FAM83D: variants seen among roughly 807,000 people sequenced by gnomAD.
FAM83D encodes scaffolding CK1 anchoring protein D.
Under a neutral mutation model 25.4 loss-of-function variants are expected in FAM83D, and 26 were observed. The observed-to-expected ratio is 1.02, with a 90% CI of 0.75 to 1.42. FAM83D has a LOEUF of 1.42. FAM83D is among the 40% of genes most tolerant of loss of function. The pLI is 0.00. For synonymous variants in FAM83D, 310 were observed against 318.5 expected (o/e 0.97, Z 0.28); for missense variants, 740 against 758.1 (o/e 0.98, Z 0.28).
At chr20:38,934,514 A>T (rs1249323387) in intron 1 of FAM83D, among the ~76,000 whole-genome samples, 3 of 151,608 alleles carry the variant, frequency 2.0e-5, no homozygotes, top group Non-Finnish European at 4.4e-5. Flanking sequence ...AAAAAAAAAA[A>T]TTCTTGATGC....
chr20:38,941,180 G>A lies in FAM83D; in HGVS notation c.484-779G>A, dbSNP rs79776231. ...TTTGCTGTGGGCTTGCACTATGGACGGATACCAAAGAACTGCAGAGAGAAC... is the reference window on the plus strand; with the variant it reads ...TTTGCTGTGGGCTTGCACTATGGACAGATACCAAAGAACTGCAGAGAGAAC... On this transcript the variant is annotated intron_variant, in intron 1 of 3. Transcript: ENST00000619850. 8.4e-3 allele frequency among the ~76,000 whole-genome samples: 1,280 copies of A among 152,288 alleles called. 13 individuals are homozygous for A. Among genetic ancestry groups the A allele is most frequent in the African/African-American group, 0.029 (1,215 of 41,550 alleles).
In FAM83D at chr20:38,952,582, CT is replaced by C; in HGVS notation, c.*65del. 1 of 1,522,740 alleles carries C rather than the reference CT, an allele frequency of 6.6e-7. No individual in the cohort carries two copies. The highest frequency in any genetic ancestry group is 8.8e-7 in the Non-Finnish European group (1 of 1,131,674). The allele number at this position is 1,522,740 out of a possible 1,614,324, so 94.3% of individuals were successfully genotyped here. On this transcript the variant is annotated 3_prime_UTR_variant, in exon 4 of 4. Coordinates refer to ENST00000619850, the MANE Select transcript of FAM83D (RefSeq NM_030919.3). ...TACAGTGGACATCATCAGCTTCCTG[CT>C]TTAAAAAATATCTTATGTCCCTAAT...
At chr20:38,945,725 G>T in intron 2 of FAM83D, among the ~76,000 whole-genome samples, 2 of 142,424 alleles carry the variant, frequency 1.4e-5, no homozygotes, top group South Asian at 2.2e-4. Context: ...TTAGGGTCTT[G>T]ACCTGCCCCC....
At chr20:38,931,553 G>A (rs1027084459) in intron 1 of FAM83D, among the ~76,000 whole-genome samples, 4 of 152,212 alleles carry the variant, frequency 2.6e-5, no homozygotes, top group African/African-American at 9.7e-5. Flanking sequence ...AGTAGAGCAC[G>A]GTCGAACCTC....
chr20:38,948,929 T>G (rs1021492616), intron 3 of FAM83D, among the ~76,000 whole-genome samples: 4 of 152,196 alleles, frequency 2.6e-5, no homozygotes, highest in African/African-American at 9.6e-5. Context: ...AATTGAACTC[T>G]TTTTCTTGGA....
intron 1 of FAM83D, among the ~76,000 whole-genome samples, chr20:38,935,023 T>G (rs1374599508): frequency 6.6e-6 from 1 of 152,228 alleles, no homozygotes; most frequent in African/African-American, 2.4e-5. Flanking sequence ...ATACACATGT[T>G]TATATAAAAC....
Position 38,947,919 on chromosome 20 carries a change from G to A in FAM83D, c.695G>A (p.Arg232Lys), listed in dbSNP as rs760704870. 6.2e-7 allele frequency: 1 copy of A among 1,614,128 alleles called. No homozygotes were observed. Among genetic ancestry groups the A allele is most frequent in the East Asian group, 2.2e-5 (1 of 44,890 alleles). Residue 232 changes from arginine to lysine, a missense_variant, in exon 3 of 4, where the codon AGG (arginine) becomes AAG (lysine). This residue lies in a region of FAM83D where 32 missense variants were observed against 56.2 expected (regional missense o/e 0.57). Transcript: ENST00000619850. ...RTITGNIYYA[R>K]SGTKIIGKVH... Reference sequence around the variant, plus strand: ...ATCACAGGAAATATCTACTATGCAAGGTCAGGAACTAAGATTATTGGGAAG... The same window carrying A: ...ATCACAGGAAATATCTACTATGCAAAGTCAGGAACTAAGATTATTGGGAAG...
intron 3 of FAM83D, among the ~76,000 whole-genome samples, chr20:38,950,793 A>G (rs2085749987): frequency 6.7e-6 from 1 of 149,866 alleles, no homozygotes. Flanking sequence ...AAATATTTAG[A>G]AGCCCTATTT....
rs372480989 is a variant in FAM83D at position 38,952,429 on chromosome 20, C to A, written c.1667C>A (p.Thr556Asn). The A allele has an allele frequency of 4.3e-6, 7 of 1,614,102 alleles. No individual in the cohort carries two copies. In the African/African-American group the frequency reaches 6.7e-5, roughly 15 times the overall value. Residue 556 changes from threonine (T) to asparagine (N), a missense_variant, in exon 4 of 4, where the codon ACT becomes AAT. Transcript: ENST00000619850. Reference sequence around the variant, plus strand: ...ATGCTGTCAAGGAGAACACTCTTTACTGAAAACCACCTTGGCCTTCATTCT... The same window carrying A: ...ATGCTGTCAAGGAGAACACTCTTTAATGAAAACCACCTTGGCCTTCATTCT... ...LAMLSRRTLF[T>N]ENHLGLHSGN... is the part of the protein sequence containing the mutation.
chr20:38,948,467 T>C (rs868642436), intron 3 of FAM83D, among the ~76,000 whole-genome samples: 1 of 152,256 alleles, frequency 6.6e-6, no homozygotes, highest in Non-Finnish European at 1.5e-5. Flanking sequence ...CTTCAAGCCT[T>C]GTAATTTAGA....
At position 38,952,304 on chromosome 20, in the gene FAM83D, C is replaced by T. The variant is rs200833170; in HGVS notation, c.1542C>T (p.Pro514=). 9.3e-6 allele frequency: 15 copies of T among 1,613,984 alleles called. No homozygotes were observed. Among genetic ancestry groups the T allele is most frequent in the Admixed American group, 5.0e-5 (3 of 60,004 alleles). The change falls in exon 4 of 4, where the codon CCC becomes CCT. Residue 514 remains proline (P), a synonymous_variant. Transcript: ENST00000619850. The part of the protein sequence containing the change: ...NPGYPKYLGT[P]HLELYLSDSL... ...GCTATCCCAAGTACCTGGGCACCCCCCACCTGGAACTGTACTTGAGTGACT... is the reference window on the plus strand; with the variant it reads ...GCTATCCCAAGTACCTGGGCACCCCTCACCTGGAACTGTACTTGAGTGACT...
chr20:38,951,900 G>A lies in FAM83D; in HGVS notation c.1138G>A (p.Glu380Lys), dbSNP rs777074351. The change falls in exon 4 of 4, where the codon GAG becomes AAG. Residue 380 changes from glutamate to lysine, a missense_variant. Transcript: ENST00000619850. ...AGACTACTTCAGCAGCCACAGGGACGAGCTCCAGAGCAGAAAGGCCATTGA... is the reference window on the plus strand; with the variant it reads ...AGACTACTTCAGCAGCCACAGGGACAAGCTCCAGAGCAGAAAGGCCATTGA... ...EEDYFSSHRD[E>K]LQSRKAIDAA... is the part of the protein sequence containing the mutation. 6.8e-6 allele frequency: 11 copies of A among 1,614,038 alleles called. No homozygotes were observed. Among genetic ancestry groups the A allele is most frequent in the South Asian group, 1.1e-5 (1 of 91,088 alleles).
chr20:38,942,993 G>GC (rs1254790758), intron 2 of FAM83D, among the ~76,000 whole-genome samples: 1 of 149,410 alleles, frequency 6.7e-6, no homozygotes, highest in African/African-American at 2.5e-5. Context: ...TATTTTTTGA[G>GC]CCCCCACTCT....
chr20:38,932,025 C>T (rs182500597), intron 1 of FAM83D, among the ~76,000 whole-genome samples: 89 of 152,354 alleles, frequency 5.8e-4, no homozygotes, highest in Non-Finnish European at 1.2e-4. Context: ...CCTTCCTTGA[C>T]TCTTGTTTCT....
intron 1 of FAM83D, among the ~76,000 whole-genome samples, chr20:38,930,484 GTTA>G (rs1410262136): frequency 1.3e-5 from 2 of 151,686 alleles, no homozygotes; most frequent in Non-Finnish European, 2.9e-5. Flanking sequence ...TTTGTTGTTT[GTTA>G]TTATTTTTTT....
Position 38,926,679 on chromosome 20 carries a change from C to CGCG in FAM83D, c.255_257dup (p.Ala86dup), listed in dbSNP as rs534813259. On this transcript the variant is annotated inframe_insertion, in exon 1 of 4. Coordinates refer to ENST00000619850, the MANE Select transcript of FAM83D (RefSeq NM_030919.3). ...CGGCGGAGAGGCCGGGAGAGGAGGG[C>CGCG]GCGGCGGCGGCGGCGGCGGCCGAGG... 121,441 of 1,519,754 alleles carry CGCG rather than the reference C, an allele frequency of 0.08. 4,788 individuals are homozygous for CGCG. Among genetic ancestry groups the CGCG allele is most frequent in the Non-Finnish European group, 0.092 (105,056 of 1,139,456 alleles). 94.1% of individuals were successfully genotyped at this position (1,519,754 alleles called of 1,614,324 possible).
At chr20:38,944,258 C>T (rs2085716418) in intron 2 of FAM83D, among the ~76,000 whole-genome samples, 1 of 152,172 alleles carries the variant, frequency 6.6e-6, no homozygotes. Flanking sequence ...TCAGATTCTC[C>T]CACAGAGTTC....
At chr20:38,941,672 G>C (rs1336768551) in intron 1 of FAM83D, among the ~76,000 whole-genome samples, 6 of 152,184 alleles carry the variant, frequency 3.9e-5, no homozygotes, top group African/African-American at 1.4e-4. Flanking sequence ...AGGTTCATAA[G>C]AGAGCAAGGC....
chr20:38,942,063 G>C lies in FAM83D; in HGVS notation c.588G>C (p.Gln196His). 1 of 1,614,196 alleles carries C rather than the reference G, an allele frequency of 6.2e-7. No individual in the cohort carries two copies. Among genetic ancestry groups the C allele is most frequent in the South Asian group, 1.1e-5 (1 of 91,084 alleles). The change falls in exon 2 of 4, where the codon CAG becomes CAC. Residue 196 changes from glutamine to histidine, a missense_variant. Transcript: ENST00000619850. ...TTGCTGTGTATATCCTTCTGGACCA[G>C]GCTCTCCTCTCTCAATTTCTGGATA... ...QGVAVYILLD[Q>H]ALLSQFLDMC...
Sources: allele counts gnomAD v4.1 joint callset (sites outside exome capture counted in the v4.1 genomes callset), GRCh38; gene constraint gnomAD v4.1.1; regional missense constraint gnomAD v4.1.1; transcripts MANE v1.5; gene names NCBI Gene and HGNC (gene_info 2026-07-23, HGNC 2026-07-21).